JAK1: variants seen among roughly 807,000 people sequenced by gnomAD.
JAK1 encodes tyrosine-protein kinase JAK1.
Under a neutral mutation model 136.6 loss-of-function variants are expected in JAK1, and 16 were observed. That is an observed-to-expected ratio of 0.12 (90% CI 0.08 to 0.18). JAK1 has a LOEUF of 0.18. Among genes scored for constraint, JAK1 ranks in the 10% least tolerant of loss-of-function variants. The pLI, the probability that JAK1 is intolerant of heterozygous loss-of-function variation, is 1.00. For synonymous variants in JAK1, 492 were observed against 519.5 expected (o/e 0.95, Z 0.72); for missense variants, 859 against 1,450.1 (o/e 0.59, Z 6.62).
chr1:64,998,992 T>C (rs1277897614), intron 2 of JAK1, among the ~76,000 whole-genome samples: 1 of 152,190 alleles, frequency 6.6e-6, no homozygotes, highest in Non-Finnish European at 1.5e-5. Context: ...ATGAACATGG[T>C]AGTAAATTTG....
At chr1:65,002,712 C>T (rs1314209513) in intron 2 of JAK1, among the ~76,000 whole-genome samples, 5 of 152,242 alleles carry the variant, frequency 3.3e-5, no homozygotes, top group African/African-American at 1.2e-4. Context: ...GAGGCGGGGG[C>T]ACCGCGCAGT....
intron 1 of JAK1, among the ~76,000 whole-genome samples, 167 bp from the exon 2 acceptor site, chr1:64,886,508 G>A (rs146511382): frequency 5.8e-4 from 89 of 152,178 alleles, no homozygotes; most frequent in Admixed American, 2.9e-3. Flanking sequence ...CTAGGACATC[G>A]AGAGGACAGA....
At position 64,891,131 on chromosome 1, in the gene JAK1, T is replaced by C. The variant is rs148515628; in HGVS notation, c.-77-4790A>G. Among the ~76,000 whole-genome samples, 29 of 151,570 alleles carry C rather than the reference T, an allele frequency of 1.9e-4. No homozygotes were observed. The East Asian group carries it at 5.4e-3, about 28-fold the overall frequency. On this transcript the variant is annotated intron_variant, in intron 1 of 24. Transcript: ENST00000342505. Reference sequence around the variant, plus strand: ...GATTACAGCTTGATGAAATATACAGTTCCAGTCAAGGAAAAAAAAAACAAT... The same window carrying C: ...GATTACAGCTTGATGAAATATACAGCTCCAGTCAAGGAAAAAAAAAACAAT...
At chr1:64,843,389 G>A (rs536601724) in intron 17 of JAK1, among the ~76,000 whole-genome samples, 20 of 152,288 alleles carry the variant, frequency 1.3e-4, no homozygotes, top group Non-Finnish European at 2.6e-4. Flanking sequence ...TGGAGTTAGA[G>A]TCTCCACTTT....
chr1:64,895,146 G>C (rs1644995910), intron 1 of JAK1, among the ~76,000 whole-genome samples: 2 of 152,070 alleles, frequency 1.3e-5, no homozygotes, highest in African/African-American at 4.8e-5. Flanking sequence ...GATATCCTAG[G>C]AACCTATGCT....
chr1:64,929,934 G>A (rs1407231440), intron 1 of JAK1, among the ~76,000 whole-genome samples: 2 of 152,202 alleles, frequency 1.3e-5, no homozygotes, highest in Non-Finnish European at 2.9e-5. Flanking sequence ...AATGGGGAAA[G>A]GATTCCCTAT....
chr1:64,935,858 T>C (rs1290666935), intron 1 of JAK1, among the ~76,000 whole-genome samples: 2 of 152,118 alleles, frequency 1.3e-5, no homozygotes, highest in African/African-American at 4.8e-5. Context: ...TGTGGAGCCA[T>C]AAATGGTGCA....
At chr1:65,066,734 T>G (rs1365271387) in intron 1 of JAK1, 1 of 152,050 alleles carries the variant, frequency 6.6e-6, no homozygotes, top group Admixed American at 6.6e-5. Flanking sequence ...GGTCTTCCTC[T>G]CTTCTCCCTC....
chr1:64,901,090 C>A (rs538693057), intron 1 of JAK1, among the ~76,000 whole-genome samples: 1 of 152,174 alleles, frequency 6.6e-6, no homozygotes, highest in African/African-American at 2.4e-5. Context: ...TTTGAGCACC[C>A]TGAGGGCAGG....
intron 1 of JAK1, among the ~76,000 whole-genome samples, chr1:64,937,812 C>T (rs1203434534): frequency 6.6e-6 from 1 of 152,198 alleles, no homozygotes; most frequent in African/African-American, 2.4e-5. Flanking sequence ...AACCATCGAT[C>T]ACTCCAACAT....
chr1:65,010,786 T>C lies in JAK1; in HGVS notation c.-78+33694A>G, dbSNP rs368937732. On this transcript the variant is annotated intron_variant, in intron 2 of 25. Coordinates refer to the JAK1 transcript ENST00000671954. The stretch of plus-strand genomic sequence containing the variant: ...GCAGTTTGAGACCAGCTGGGCAATA[T>C]AGTGAGACCCTGTCTCTTAAAAAAA... Among the ~76,000 whole-genome samples the C allele has an allele frequency of 1.2e-4, 19 of 152,218 alleles. 1 individual carries two copies. The highest frequency in any genetic ancestry group is 3.3e-4 in the Admixed American group (5 of 15,272).
intron 1 of JAK1, among the ~76,000 whole-genome samples, chr1:65,045,087 C>G (rs1203370224): frequency 6.6e-6 from 1 of 152,228 alleles, no homozygotes; most frequent in African/African-American, 2.4e-5. Flanking sequence ...CCACGGTCCT[C>G]GGTCAGCACC....
chr1:64,860,892 A>T, intron 8 of JAK1, among the ~76,000 whole-genome samples: 1 of 123,478 alleles, frequency 8.1e-6, no homozygotes, highest in Non-Finnish European at 1.7e-5. Context: ...AGGCTGTGGC[A>T]GGCAGGGAGA....
At position 64,846,635 on chromosome 1, in the gene JAK1, G is replaced by A. The variant is rs1557628668; in HGVS notation, c.1987+14C>T. On this transcript the variant is annotated intron_variant, in intron 14 of 24. Coordinates refer to ENST00000342505, the MANE Select transcript of JAK1 (RefSeq NM_002227.4). ...AGCCAGGCCACCCACCCCTTTGAAA[G>A]AGAACACACTTACTCTCCACGTCGC... 2 of 1,608,698 alleles carry A rather than the reference G, an allele frequency of 1.2e-6. No homozygotes were observed. Among genetic ancestry groups the A allele is most frequent in the South Asian group, 1.1e-5 (1 of 90,686 alleles).
At chr1:65,050,917 G>A (rs992144468) in intron 1 of JAK1, among the ~76,000 whole-genome samples, 2 of 152,164 alleles carry the variant, frequency 1.3e-5, no homozygotes, top group Non-Finnish European at 2.9e-5. Flanking sequence ...TAGGAAACAT[G>A]GAGAACTCTT....
At chr1:64,986,085 G>T in intron 2 of JAK1, 2 of 985,280 alleles carry the variant, frequency 2.0e-6, no homozygotes, top group Non-Finnish European at 3.1e-6. Flanking sequence ...GACCTTCTAT[G>T]TCCCCCATGG....
intron 2 of JAK1, among the ~76,000 whole-genome samples, chr1:64,975,679 A>G (rs1486076015): frequency 6.6e-6 from 1 of 152,092 alleles, no homozygotes; most frequent in Non-Finnish European, 1.5e-5. Context: ...CGTGACCCAA[A>G]TCTTCATTCC....
At chr1:64,922,133 T>C (rs1162112034) in intron 1 of JAK1, among the ~76,000 whole-genome samples, 2 of 142,686 alleles carry the variant, frequency 1.4e-5, no homozygotes, top group Non-Finnish European at 3.0e-5. Context: ...GTTTCCTCAT[T>C]TGATTGTTCT....
At chr1:64,839,538 C>T in intron 20 of JAK1, 65 bp downstream of exon 20, 1 of 1,450,012 alleles carries the variant, frequency 6.9e-7, no homozygotes, top group Non-Finnish European at 9.4e-7. Context: ...CTGTTTTGCA[C>T]TGGCCTTTAT....
Sources: gnomAD v4.1 joint callset for allele counts (sites outside exome capture counted in the v4.1 genomes callset) on GRCh38, gnomAD v4.1.1 for gene constraint, MANE v1.5 for transcripts, NCBI Gene and HGNC (gene_info 2026-07-23, HGNC 2026-07-21) for gene names.